Variants in NLGN1 observed in about 807,000 individuals in gnomAD.
NLGN1 encodes neuroligin 1.
In NLGN1, 12 loss-of-function variants were observed where a neutral mutation model predicts 65.5. That is an observed-to-expected ratio of 0.18 (90% CI 0.12 to 0.30). NLGN1 has a LOEUF of 0.30. NLGN1 is among the 10% of genes least tolerant of loss of function. The pLI, the probability that NLGN1 is intolerant of heterozygous loss-of-function variation, is 1.00. For synonymous variants in NLGN1, 350 were observed against 359.5 expected (o/e 0.97, Z 0.30); for missense variants, 750 against 1,007.1 (o/e 0.74, Z 3.46).
chr3:173,888,660 A>G lies in NLGN1; in HGVS notation c.646+80828A>G, dbSNP rs116204859. Among the ~76,000 whole-genome samples the G allele has an allele frequency of 6.0e-3, 921 of 152,232 alleles. 14 individuals carry two copies. Among genetic ancestry groups the G allele is most frequent in the African/African-American group, 0.019 (802 of 41,556 alleles). On this transcript the variant is annotated intron_variant, in intron 4 of 6. Coordinates refer to ENST00000457714, the Ensembl canonical transcript of NLGN1. ...TTTGAATATATAATAAACTTATGAC[A>G]TTTTATTAATACGAATATTTGATGT...
chr3:173,770,360 G>T (rs1779398651), intron 3 of NLGN1, among the ~76,000 whole-genome samples: 1 of 152,254 alleles, frequency 6.6e-6, no homozygotes, highest in African/African-American at 2.4e-5. Context: ...CACAGATAAC[G>T]TTGGTTGATC....
At chr3:173,404,114 T>C (rs1051434663) in intron 1 of NLGN1, among the ~76,000 whole-genome samples, 3 of 152,138 alleles carry the variant, frequency 2.0e-5, no homozygotes, top group Admixed American at 1.3e-4. Flanking sequence ...TAAATTGAAT[T>C]CATTATATTT....
At chr3:173,927,907 A>T (rs1001246122) in intron 4 of NLGN1, among the ~76,000 whole-genome samples, 1 of 152,100 alleles carries the variant, frequency 6.6e-6, no homozygotes, top group African/African-American at 2.4e-5. Context: ...GAGGGGCTCC[A>T]AGAGTCCTTA....
intron 4 of NLGN1, among the ~76,000 whole-genome samples, chr3:174,027,606 C>T (rs1376409197): frequency 6.6e-6 from 1 of 152,100 alleles, no homozygotes; most frequent in Non-Finnish European, 1.5e-5. Flanking sequence ...ATTACTGCAA[C>T]AAGATATATA....
At chr3:173,451,639 C>T (rs1354423186) in intron 2 of NLGN1, among the ~76,000 whole-genome samples, 2 of 152,152 alleles carry the variant, frequency 1.3e-5, no homozygotes, top group Non-Finnish European at 2.9e-5. Context: ...TTTTGTTTGT[C>T]TGTGCCCTGC....
At chr3:174,248,783 G>A (rs908853726) in intron 4 of NLGN1, among the ~76,000 whole-genome samples, 1 of 152,028 alleles carries the variant, frequency 6.6e-6, no homozygotes. Context: ...ATAAAAGACT[G>A]TATGTTGGAG....
At chr3:173,701,967 C>T (rs1767235146) in intron 3 of NLGN1, among the ~76,000 whole-genome samples, 1 of 152,124 alleles carries the variant, frequency 6.6e-6, no homozygotes, top group African/African-American at 2.4e-5. Context: ...CGGCCGGGCG[C>T]GGTGGCTCAC....
chr3:173,741,045 A>G (rs1317451829), intron 3 of NLGN1, among the ~76,000 whole-genome samples: 4 of 152,196 alleles, frequency 2.6e-5, no homozygotes. Context: ...ATAGGTATAC[A>G]ATTAGTTATC....
chr3:173,602,355 A>G (rs1331424533), intron 2 of NLGN1, among the ~76,000 whole-genome samples: 1 of 152,038 alleles, frequency 6.6e-6, no homozygotes, highest in Non-Finnish European at 1.5e-5. Context: ...TTATTATAGT[A>G]GCAACTTCTG....
chr3:173,452,445 C>T (rs1048289549), intron 2 of NLGN1, among the ~76,000 whole-genome samples: 5 of 152,200 alleles, frequency 3.3e-5, no homozygotes, highest in African/African-American at 4.8e-5. Flanking sequence ...CTTGGCCTCC[C>T]AAAGTGCAGG....
intron 1 of NLGN1, among the ~76,000 whole-genome samples, chr3:173,422,608 T>C (rs1455999433): frequency 6.6e-6 from 1 of 152,226 alleles, no homozygotes; most frequent in Admixed American, 6.5e-5. Flanking sequence ...CAAACCTTCC[T>C]CTTTCTCCTT....
intron 3 of NLGN1, among the ~76,000 whole-genome samples, chr3:173,674,231 A>G (rs935575527): frequency 6.6e-6 from 1 of 152,190 alleles, no homozygotes; most frequent in African/African-American, 2.4e-5. Context: ...TGACAGATTT[A>G]TGTAAAACAT....
chr3:173,730,039 G>GA (rs763127527), intron 3 of NLGN1, among the ~76,000 whole-genome samples: 120 of 149,372 alleles, frequency 8.0e-4, no homozygotes, highest in African/African-American at 1.7e-3. Flanking sequence ...TCGAAATACA[G>GA]AAAAAAAAAC....
At chr3:174,116,722 A>G (rs887232975) in intron 4 of NLGN1, among the ~76,000 whole-genome samples, 5 of 152,116 alleles carry the variant, frequency 3.3e-5, no homozygotes, top group African/African-American at 1.2e-4. Context: ...ATGAATGTTG[A>G]TCATGAATTT....
intron 2 of NLGN1, among the ~76,000 whole-genome samples, chr3:173,549,082 A>G (rs1186094392): frequency 1.3e-5 from 2 of 152,028 alleles, no homozygotes; most frequent in Non-Finnish European, 2.9e-5. Context: ...GTGTTAAAAC[A>G]TGTTTACGCA....
intron 1 of NLGN1, among the ~76,000 whole-genome samples, chr3:173,417,059 G>C (rs1322130557): frequency 1.3e-5 from 2 of 151,912 alleles, no homozygotes; most frequent in Non-Finnish European, 1.5e-5. Flanking sequence ...GGTAAACCTG[G>C]AAATCCATTA....
chr3:173,816,732 A>G (rs1209273573), intron 4 of NLGN1, among the ~76,000 whole-genome samples: 1 of 152,158 alleles, frequency 6.6e-6, no homozygotes, highest in Non-Finnish European at 1.5e-5. Context: ...GGTCATTTAT[A>G]CTTCATAGAC....
At chr3:173,690,011 T>C (rs1765232151) in intron 3 of NLGN1, among the ~76,000 whole-genome samples, 1 of 152,158 alleles carries the variant, frequency 6.6e-6, no homozygotes, top group African/African-American at 2.4e-5. Flanking sequence ...TTTGAAGAGA[T>C]TGAGTGATTC....
intron 4 of NLGN1, among the ~76,000 whole-genome samples, chr3:173,888,361 G>T (rs1349598365): frequency 6.6e-6 from 1 of 151,868 alleles, no homozygotes; most frequent in Admixed American, 6.6e-5. Flanking sequence ...ATCATCCCTA[G>T]ATTACTTATA....
Sources: allele counts gnomAD v4.1 joint callset (sites outside exome capture counted in the v4.1 genomes callset), GRCh38; gene constraint gnomAD v4.1.1; transcripts MANE v1.5; gene names NCBI Gene and HGNC (gene_info 2026-07-23, HGNC 2026-07-21).